Variants in PCLO observed in about 807,000 individuals in gnomAD.
PCLO encodes the protein piccolo presynaptic cytomatrix protein, also known as protein piccolo.
In PCLO, 82 loss-of-function variants were observed where a neutral mutation model predicts 427.5. The ratio of observed to expected loss-of-function variants is 0.19; its 90% CI spans 0.16 to 0.23. The LOEUF (loss-of-function observed/expected upper bound fraction) is 0.23. Ranked by LOEUF, PCLO falls within the 10% of genes least tolerant of loss-of-function variation. The pLI, the probability that PCLO is intolerant of heterozygous loss-of-function variation, is 1.00. For synonymous variants in PCLO, 2,357 were observed against 2,155.4 expected, an observed-to-expected ratio of 1.09 and a Z score of -2.59; for missense variants, 6,239 against 6,115.9, an observed-to-expected ratio of 1.02 and a Z score of -0.67.
intron 3 of PCLO, among the ~76,000 whole-genome samples, chr7:83,011,836 G>A (rs2115994173): frequency 6.6e-6 from 1 of 152,094 alleles, no homozygotes; most frequent in South Asian, 2.1e-4. Context: ...TCTAACAGAT[G>A]TAATATTGAA....
chr7:83,096,940 TATATA>T lies in PCLO; in HGVS notation c.3300+37305_3300+37309del, dbSNP rs1562962266. Reference sequence around the variant, plus strand: ...ATATATATAATATAATATAATATATTATATATTATATAAATAATATAATATAATAT... The same window carrying T: ...ATATATATAATATAATATAATATATTTTATATAAATAATATAATATAATAT... On this transcript the variant is annotated intron_variant, in intron 3 of 24. Transcript: ENST00000333891. 7.6e-3 allele frequency among the ~76,000 whole-genome samples: 413 copies of T among 54,424 alleles called. 78 individuals carry two copies. The highest frequency in any genetic ancestry group is 0.02 in the African/African-American group (237 of 11,628). The allele number at this position is 54,424 out of a possible 152,430, so 35.7% of individuals were successfully genotyped here.
intron 3 of PCLO, among the ~76,000 whole-genome samples, chr7:83,131,243 A>G (rs1179179313): frequency 6.6e-6 from 1 of 152,168 alleles, no homozygotes; most frequent in Non-Finnish European, 1.5e-5. Context: ...TCATATTGCC[A>G]TTTATACAAA....
rs1194803601 is a variant in PCLO at position 82,955,927 on chromosome 7, T to A, written c.5026A>T (p.Ile1676Leu). Residue 1676 changes from isoleucine to leucine, a missense_variant, in exon 5 of 25, where the codon ATA becomes TTA. Ile to Leu is a conservative substitution (Grantham distance 5). Around this residue, in one of 5 missense-constraint regions of PCLO, gnomAD observed 4,677 missense variants for 4,468.4 expected, o/e 1.05. Coordinates refer to ENST00000333891, the MANE Select transcript of PCLO (RefSeq NM_033026.6). The part of the protein sequence containing the change: ...RFKTIELNST[I>L]ADKYSAESSQ... ...GACTCTGCAGAATATTTATCTGCTA[T>A]TGTACTGTTGAGCTCAATTGTTTTA... 1 of 1,613,820 alleles carries A rather than the reference T, an allele frequency of 6.2e-7. No individual in the cohort carries two copies. The highest frequency in any genetic ancestry group is 8.5e-7 in the Non-Finnish European group (1 of 1,179,860).
intron 3 of PCLO, among the ~76,000 whole-genome samples, chr7:82,970,267 A>C (rs1795870998): frequency 6.6e-6 from 1 of 152,056 alleles, no homozygotes; most frequent in Non-Finnish European, 1.5e-5. Context: ...TTCCCAAATA[A>C]ATGACACTTA....
At chr7:82,940,838 C>T (rs1795067616) in intron 6 of PCLO, among the ~76,000 whole-genome samples, 1 of 145,430 alleles carries the variant, frequency 6.9e-6, no homozygotes, top group Non-Finnish European at 1.5e-5. Context: ...TCTCGGCTCA[C>T]TGCAAGCTCC....
At chr7:82,793,089 C>T (rs17156675) in intron 22 of PCLO, among the ~76,000 whole-genome samples, 39,921 of 151,728 alleles carry the variant, frequency 0.26, 6,644 homozygotes, top group East Asian at 0.55. Flanking sequence ...TCTTTCAATA[C>T]TATTTTTCAC....
At position 82,760,662 on chromosome 7, in the gene PCLO, T is replaced by A. The variant is rs370372055; in HGVS notation, c.15265A>T (p.Ser5089Cys). The A allele has an allele frequency of 1.4e-4, 217 of 1,605,228 alleles. No individual in the cohort carries two copies. Among genetic ancestry groups the A allele is most frequent in the Non-Finnish European group, 1.8e-4 (207 of 1,175,826 alleles). ...SFNETFRFSL[S>C]PAGHSLQILL... is the part of the protein sequence containing the mutation. Reference sequence around the variant, plus strand: ...ACCTGAAGAGAATGTCCTGCAGGACTTAGACTGAATCGAAAAGTTTCATTA... The same window carrying A: ...ACCTGAAGAGAATGTCCTGCAGGACATAGACTGAATCGAAAAGTTTCATTA... Residue 5089 changes from serine to cysteine, a missense_variant, in exon 24 of 25, where the codon AGT becomes TGT. Around this residue, in one of 5 missense-constraint regions of PCLO, gnomAD observed 877 missense variants for 925.5 expected, o/e 0.95. Transcript: ENST00000333891.
intron 8 of PCLO, among the ~76,000 whole-genome samples, chr7:82,904,357 C>G (rs1455332571): frequency 2.0e-5 from 3 of 151,728 alleles, no homozygotes; most frequent in African/African-American, 7.3e-5. Context: ...ACATCTTTTT[C>G]TCCCACTTTT....
intron 3 of PCLO, among the ~76,000 whole-genome samples, chr7:83,025,272 G>C (rs926307353): frequency 3.3e-5 from 5 of 151,892 alleles, no homozygotes; most frequent in African/African-American, 1.2e-4. Flanking sequence ...AGCTGATGGA[G>C]CTGAAAACCA....
intron 8 of PCLO, among the ~76,000 whole-genome samples, chr7:82,904,762 C>A (rs1794144171): frequency 6.6e-6 from 1 of 151,970 alleles, no homozygotes; most frequent in African/African-American, 2.4e-5. Flanking sequence ...CAAATAGCCA[C>A]TATTACCTTT....
At chr7:82,942,264 T>C (rs546183560) in intron 6 of PCLO, among the ~76,000 whole-genome samples, 1 of 152,340 alleles carries the variant, frequency 6.6e-6, no homozygotes, top group Admixed American at 6.5e-5. Context: ...GGTTTTAAAC[T>C]GCTTCAGTAA....
At position 82,924,254 on chromosome 7, in the gene PCLO, A is replaced by G. The variant is rs1584161637; in HGVS notation, c.11113-7381T>C. Among the ~76,000 whole-genome samples the G allele has an allele frequency of 2.6e-5, 4 of 152,096 alleles. No homozygotes were observed. The South Asian group carries it at 6.2e-4, about 24-fold the overall frequency. The stretch of plus-strand genomic sequence containing the variant: ...ATACATTCTAGGTTATGGTAATGAC[A>G]GGAGAAAATTAATAAGGATAGGAAT... On this transcript the variant is annotated intron_variant, in intron 6 of 24. Transcript: ENST00000333891.
rs751015475 is a variant in PCLO, at chr7:82,758,755, C to T, written c.15289-40G>A. On this transcript the variant is annotated intron_variant, in intron 24 of 24. Transcript: ENST00000333891. ...CAAAAATAAACATATTTAATTTATACACATATACATGTGTATAGTTTTCAA... is the reference window on the plus strand; with the variant it reads ...CAAAAATAAACATATTTAATTTATATACATATACATGTGTATAGTTTTCAA... 4 of 1,263,666 alleles carry T rather than the reference C, an allele frequency of 3.2e-6. No homozygotes were observed. The South Asian group carries it at 5.0e-5, about 16-fold the overall frequency. The allele number at this position is 1,263,666 out of a possible 1,614,324, so 78.3% of individuals were successfully genotyped here.
chr7:83,031,335 A>C (rs1035977832), intron 3 of PCLO, among the ~76,000 whole-genome samples: 1 of 152,170 alleles, frequency 6.6e-6, no homozygotes, highest in African/African-American at 2.4e-5. Context: ...TGGTGTTCTG[A>C]GCATGGAAAT....
intron 6 of PCLO, among the ~76,000 whole-genome samples, chr7:82,929,126 A>G (rs188841671): frequency 1.3e-3 from 202 of 152,198 alleles, no homozygotes; most frequent in African/African-American, 4.5e-3. Context: ...GACATATAAG[A>G]GAGAAGGAAA....
chr7:83,049,429 G>T (rs1562938450), intron 3 of PCLO, among the ~76,000 whole-genome samples: 1 of 152,074 alleles, frequency 6.6e-6, no homozygotes, highest in African/African-American at 2.4e-5. Flanking sequence ...CCAAAAGCCA[G>T]CAAACCGAGA....
intron 9 of PCLO, among the ~76,000 whole-genome samples, chr7:82,890,879 T>C (rs1002290614): frequency 1.3e-5 from 2 of 152,022 alleles, no homozygotes; most frequent in Admixed American, 6.6e-5. Context: ...CAGAAGAAAA[T>C]AGAAAACCTG....
At chr7:83,132,006 A>T (rs2116605061) in intron 3 of PCLO, among the ~76,000 whole-genome samples, 2 of 152,278 alleles carry the variant, frequency 1.3e-5, no homozygotes. Context: ...CACATATGCA[A>T]ACACATGCCA....
At chr7:82,961,447 G>A (rs187668216) in intron 4 of PCLO, among the ~76,000 whole-genome samples, 2 of 152,320 alleles carry the variant, frequency 1.3e-5, no homozygotes, top group African/African-American at 2.4e-5. Flanking sequence ...TTGCTTGAAA[G>A]TTGTGCTGGA....
Sources: allele counts gnomAD v4.1 joint callset (sites outside exome capture counted in the v4.1 genomes callset), GRCh38; gene constraint gnomAD v4.1.1; regional missense constraint gnomAD v4.1.1; transcripts MANE v1.5; gene names NCBI Gene and HGNC (gene_info 2026-07-23, HGNC 2026-07-21).